The following HIVEP3 variants were observed in gnomAD, a reference collection of about 807,000 sequenced individuals.
HIVEP3 encodes transcription factor HIVEP3.
In HIVEP3, 49 loss-of-function variants were observed where a neutral mutation model predicts 152.8. That is an observed-to-expected ratio of 0.32 (90% confidence interval 0.26 to 0.41). The LOEUF (loss-of-function observed/expected upper bound fraction) is 0.41. HIVEP3 is among the 10% of genes least tolerant of loss of function. The pLI is 1.00. For synonymous variants in HIVEP3, 1,269 were observed against 1,289.0 expected, an observed-to-expected ratio of 0.98 and a Z score of 0.33; for missense variants, 2,790 against 3,103.3, an observed-to-expected ratio of 0.90 and a Z score of 2.40.
intron 2 of HIVEP3, among the ~76,000 whole-genome samples, chr1:41,669,413 G>T (rs1422495745): frequency 1.3e-5 from 2 of 152,176 alleles, no homozygotes; most frequent in Non-Finnish European, 2.9e-5. Context: ...GGGCCATGGG[G>T]TGCCCAGACA....
chr1:41,952,423 T>C (rs1386150668), intron 1 of HIVEP3, among the ~76,000 whole-genome samples: 1 of 76,854 alleles, frequency 1.3e-5, no homozygotes, highest in Non-Finnish European at 2.2e-5. Context: ...TTTTCTTTTG[T>C]TCATTCATTC....
chr1:41,737,027 C>T (rs1646928990), intron 1 of HIVEP3, among the ~76,000 whole-genome samples: 1 of 152,186 alleles, frequency 6.6e-6, no homozygotes, highest in South Asian at 2.1e-4. Flanking sequence ...GCACCAGCCA[C>T]AAATAATGTT....
chr1:41,995,588 G>A (rs1373675595), intron 1 of HIVEP3, among the ~76,000 whole-genome samples: 1 of 152,292 alleles, frequency 6.6e-6, no homozygotes, highest in East Asian at 1.9e-4. Flanking sequence ...TAACAAAGAT[G>A]TGGATAAATC....
intron 1 of HIVEP3, among the ~76,000 whole-genome samples, chr1:41,704,318 G>T (rs917581277): frequency 2.6e-5 from 4 of 152,230 alleles, no homozygotes; most frequent in Non-Finnish European, 5.9e-5. Flanking sequence ...AGGCCAAAAG[G>T]CTGCTATGAA....
intron 1 of HIVEP3, among the ~76,000 whole-genome samples, chr1:42,031,253 G>A (rs2886564): frequency 0.68 from 103,269 of 152,028 alleles, 35,722 homozygotes; most frequent in East Asian, 0.96. Context: ...GTTCCAGACT[G>A]CTCTGCTGAA....
At chr1:41,834,789 A>T (rs551610683) in intron 1 of HIVEP3, among the ~76,000 whole-genome samples, 59 of 152,180 alleles carry the variant, frequency 3.9e-4, no homozygotes, top group Non-Finnish European at 6.5e-4. Flanking sequence ...TGCTCTGAAA[A>T]AATAATAAAG....
intron 1 of HIVEP3, among the ~76,000 whole-genome samples, chr1:41,839,710 A>G (rs1229563949): frequency 1.3e-5 from 2 of 152,088 alleles, no homozygotes; most frequent in African/African-American, 2.4e-5. Context: ...GGTCCAGAGG[A>G]CCCCAAGTGA....
chr1:41,847,780 GC>G (rs1643484350), intron 1 of HIVEP3: 1 of 152,434 alleles, frequency 6.6e-6, no homozygotes, highest in African/African-American at 2.4e-5. Flanking sequence ...AGATGTCAGT[GC>G]CACAGACCAT....
In HIVEP3 at chr1:41,509,243, C is replaced by T. The variant is rs1488897043; in HGVS notation, c.*1208G>A. On this transcript the variant is annotated 3_prime_UTR_variant, in exon 9 of 9. Transcript: ENST00000372583. ...CTCTTTTTAAAAAAGAGGTGTAAGA[C>T]AGCAAACAGGTCCAGGCCGTATCCA... 6.6e-6 allele frequency: 1 copy of T among 152,128 alleles called. No individual in the cohort carries two copies. The highest frequency in any genetic ancestry group is 2.4e-5 in the African/African-American group (1 of 41,412). 9.4% of individuals were successfully genotyped at this position (152,128 alleles called of 1,614,324 possible).
Position 41,702,803 on chromosome 1 carries a change from T to C in HIVEP3, c.-800-1808A>G, listed in dbSNP as rs565539417. ...GTCTTGGAGGTTCACACAAATCAAG[T>C]GCAAAATAACTCAAAGGGCATGGTC... On this transcript the variant is annotated intron_variant, in intron 1 of 8. Coordinates refer to ENST00000372583, the MANE Select transcript of HIVEP3 (RefSeq NM_024503.5). Among the ~76,000 whole-genome samples the C allele has an allele frequency of 3.9e-5, 6 of 152,296 alleles. No individual in the cohort carries two copies. The South Asian group carries it at 1.2e-3, about 32-fold the overall frequency.
At chr1:41,690,239 C>G (rs1308749492) in intron 2 of HIVEP3, among the ~76,000 whole-genome samples, 1 of 152,124 alleles carries the variant, frequency 6.6e-6, no homozygotes, top group East Asian at 1.9e-4. Context: ...GGGAAGGAGC[C>G]CATGCTTCTT....
In HIVEP3 at chr1:41,584,548, G is replaced by C; in HGVS notation, c.250C>G (p.Pro84Ala). Reference sequence around the variant, plus strand: ...ATGTGGACGGATGCTTCGATGGGGGGCCTTTTGGGGGGCTTCTGCTGCTGG... The same window carrying C: ...ATGTGGACGGATGCTTCGATGGGGGCCCTTTTGGGGGGCTTCTGCTGCTGG... ...TGQQQKPPKR[P>A]PIEASVHISQ... The change falls in exon 4 of 9, where the codon CCC (proline) becomes GCC (alanine). Residue 84 changes from proline to alanine, a missense_variant. Around this residue, in one of 9 missense-constraint regions of HIVEP3, gnomAD observed 209 missense variants for 237.0 expected, o/e 0.88. Transcript: ENST00000372583. This position sits in a 1 kb window ranked among gnomAD's most constrained non-coding sequence, Gnocchi z 5.2. 1 of 1,614,108 alleles carries C rather than the reference G, an allele frequency of 6.2e-7. No homozygotes were observed. Among genetic ancestry groups the C allele is most frequent in the Non-Finnish European group, 8.5e-7 (1 of 1,180,008 alleles).
At chr1:41,965,131 T>G (rs2124500349) in intron 1 of HIVEP3, among the ~76,000 whole-genome samples, 1 of 152,080 alleles carries the variant, frequency 6.6e-6, no homozygotes, top group East Asian at 1.9e-4. Flanking sequence ...GTGAATAGGG[T>G]CTAGAGTGGA....
intron 5 of HIVEP3, 125 bp downstream of exon 5, chr1:41,575,419 G>C (rs187301510): frequency 1.0e-6 from 1 of 966,536 alleles, no homozygotes; most frequent in Non-Finnish European, 1.6e-6. Context: ...GAAAGGCATC[G>C]CTGGGACCAC....
At chr1:42,004,444 G>A (rs768204025) in intron 1 of HIVEP3, among the ~76,000 whole-genome samples, 3 of 152,034 alleles carry the variant, frequency 2.0e-5, no homozygotes, top group Admixed American at 6.5e-5. Context: ...GTATATCACC[G>A]TCTTTCCAAA....
At chr1:41,518,824 T>TTG (rs1423185796) in intron 6 of HIVEP3, among the ~76,000 whole-genome samples, 1 of 151,634 alleles carries the variant, frequency 6.6e-6, no homozygotes, top group Non-Finnish European at 1.5e-5. Context: ...TAGGTTTTTT[T>TTG]TTTTTTTTTT....
At chr1:41,706,542 A>G (rs1026294155) in intron 1 of HIVEP3, among the ~76,000 whole-genome samples, 1 of 152,232 alleles carries the variant, frequency 6.6e-6, no homozygotes, top group Non-Finnish European at 1.5e-5. Flanking sequence ...TTGGCCTTCC[A>G]AAGTGCTGGG....
At chr1:41,835,086 C>A (rs1173981413) in intron 1 of HIVEP3, among the ~76,000 whole-genome samples, 1 of 152,018 alleles carries the variant, frequency 6.6e-6, no homozygotes, top group African/African-American at 2.4e-5. Flanking sequence ...GATCTGGGGA[C>A]CAGAAGGACT....
intron 1 of HIVEP3, among the ~76,000 whole-genome samples, chr1:41,876,583 T>C (rs188165941): frequency 2.0e-5 from 3 of 152,304 alleles, no homozygotes; most frequent in East Asian, 1.9e-4. Flanking sequence ...ATTATTATTA[T>C]TGCTATTGTT....
Sources: allele counts gnomAD v4.1 joint callset (sites outside exome capture counted in the v4.1 genomes callset), GRCh38; gene constraint gnomAD v4.1.1; regional missense constraint gnomAD v4.1.1; non-coding constraint Gnocchi (gnomAD v3.1); transcripts MANE v1.5; gene names NCBI Gene and HGNC (gene_info 2026-07-23, HGNC 2026-07-21).